The following NAALADL2 variants were observed in gnomAD, a reference collection of about 807,000 sequenced individuals.
NAALADL2 encodes the protein inactive N-acetylated-alpha-linked acidic dipeptidase-like protein 2.
Under a neutral mutation model 87.2 loss-of-function variants are expected in NAALADL2, and 76 were observed. The observed-to-expected ratio is 0.87, with a 90% CI of 0.72 to 1.05. NAALADL2 has a LOEUF of 1.05. NAALADL2 is among the 50% of genes least tolerant of loss of function. NAALADL2 has a pLI of 0.00. For synonymous variants in NAALADL2, 354 were observed against 331.0 expected (o/e 1.07, Z -0.75); for missense variants, 1,089 against 945.8 (o/e 1.15, Z -1.99).
chr3:175,707,409 A>T (rs1278674839), intron 11 of NAALADL2, among the ~76,000 whole-genome samples: 1 of 152,140 alleles, frequency 6.6e-6, no homozygotes, highest in Non-Finnish European at 1.5e-5. Context: ...CATGAGCCAT[A>T]CAAAAAGAAG....
intron 2 of NAALADL2, among the ~76,000 whole-genome samples, chr3:175,208,258 C>T (rs1741239615): frequency 6.6e-6 from 1 of 152,118 alleles, no homozygotes; most frequent in Non-Finnish European, 1.5e-5. Context: ...AACCATGTTT[C>T]AGCAGTTTGG....
At chr3:174,952,336 A>C (rs892275654) in intron 1 of NAALADL2, among the ~76,000 whole-genome samples, 3 of 152,120 alleles carry the variant, frequency 2.0e-5, no homozygotes, top group Non-Finnish European at 4.4e-5. Flanking sequence ...TGACTCTTTT[A>C]ACATTAAGCA....
rs1451108951 is a variant in NAALADL2, at chr3:175,802,050, T to C, written c.2190-955T>C. Among the ~76,000 whole-genome samples, 4 of 152,140 alleles carry C rather than the reference T, an allele frequency of 2.6e-5. No homozygotes were observed. The East Asian group carries it at 7.7e-4, about 29-fold the overall frequency. ...CTAATGGTCAACTGTGTTGCCTCTA[T>C]ACTGTCTGTAGCTCCACTCTCTCAT... On this transcript the variant is annotated intron_variant, in intron 13 of 13. Coordinates refer to ENST00000454872, the MANE Select transcript of NAALADL2 (RefSeq NM_207015.3).
chr3:175,568,679 A>G (rs1440198577), intron 9 of NAALADL2, among the ~76,000 whole-genome samples: 1 of 152,244 alleles, frequency 6.6e-6, no homozygotes, highest in Non-Finnish European at 1.5e-5. Flanking sequence ...AGCCCTATAT[A>G]GACCCAGTCT....
chr3:175,647,332 G>A (rs547942920), intron 11 of NAALADL2, among the ~76,000 whole-genome samples: 2 of 152,068 alleles, frequency 1.3e-5, no homozygotes, highest in Non-Finnish European at 2.9e-5. Context: ...GGGTACATGT[G>A]CAGGTTTGTT....
In NAALADL2 at chr3:175,413,055, AT is replaced by A. The variant is rs539701280; in HGVS notation, c.1091-34167del. On this transcript the variant is annotated intron_variant, in intron 5 of 13. Transcript: ENST00000454872. ...TGCCTCAGCTTCCCACGCCCGGTTAATTTTTTTGTATTTTTAGTAGAGATGG... is the reference window on the plus strand; with the variant it reads ...TGCCTCAGCTTCCCACGCCCGGTTAATTTTTTGTATTTTTAGTAGAGATGG... Among the ~76,000 whole-genome samples the A allele has an allele frequency of 2.2e-3, 330 of 148,872 alleles. 2 individuals carry two copies. Among genetic ancestry groups the A allele is most frequent in the African/African-American group, 7.0e-3 (286 of 40,734 alleles).
At chr3:175,478,244 T>A (rs1376909475) in intron 9 of NAALADL2, among the ~76,000 whole-genome samples, 1 of 151,940 alleles carries the variant, frequency 6.6e-6, no homozygotes. Context: ...TGGTTTTACT[T>A]CTAGTCAACG....
At chr3:175,382,325 G>A (rs2148989355) in intron 5 of NAALADL2, among the ~76,000 whole-genome samples, 1 of 152,118 alleles carries the variant, frequency 6.6e-6, no homozygotes, top group South Asian at 2.1e-4. Flanking sequence ...GGTGGTCTGA[G>A]GCAAAAGTCC....
At chr3:175,504,352 G>A (rs1475653822) in intron 9 of NAALADL2, among the ~76,000 whole-genome samples, 1 of 152,132 alleles carries the variant, frequency 6.6e-6, no homozygotes, top group African/African-American at 2.4e-5. Context: ...ATGAATTTTG[G>A]GGGGCCAGGG....
At chr3:175,322,919 A>G (rs1479823954) in intron 4 of NAALADL2, among the ~76,000 whole-genome samples, 1 of 151,598 alleles carries the variant, frequency 6.6e-6, no homozygotes, top group Non-Finnish European at 1.5e-5. Flanking sequence ...CCATTGTGGA[A>G]GTCAGTGTGG....
intron 1 of NAALADL2, among the ~76,000 whole-genome samples, chr3:175,034,763 A>G (rs551295304): frequency 3.3e-5 from 5 of 152,160 alleles, no homozygotes; most frequent in East Asian, 1.9e-4. Context: ...TTACTCATCT[A>G]TCAAACAGGA....
intron 1 of NAALADL2, among the ~76,000 whole-genome samples, chr3:174,514,954 T>C (rs569292369): frequency 6.6e-6 from 1 of 152,124 alleles, no homozygotes; most frequent in Non-Finnish European, 1.5e-5. Context: ...TAATACCTAG[T>C]TGAGGTCATA....
chr3:174,853,201 CAAAAAAAAAAAA>C (rs34303846), intron 3 of NAALADL2, among the ~76,000 whole-genome samples: 2 of 45,626 alleles, frequency 4.4e-5, no homozygotes, highest in Non-Finnish European at 7.7e-5. Flanking sequence ...CCGTCTCTAC[CAAAAAAAAAAAA>C]AAAAAAAAAA....
intron 1 of NAALADL2, among the ~76,000 whole-genome samples, chr3:175,083,820 A>C (rs534964865): frequency 6.6e-6 from 1 of 152,314 alleles, no homozygotes; most frequent in South Asian, 2.1e-4. Flanking sequence ...CTGACCCAAA[A>C]TTCTATACTT....
At chr3:175,587,804 T>C (rs1477330192) in intron 10 of NAALADL2, among the ~76,000 whole-genome samples, 2 of 152,124 alleles carry the variant, frequency 1.3e-5, no homozygotes, top group African/African-American at 2.4e-5. Context: ...GACACCCAGT[T>C]TGCATTTTTA....
At chr3:175,086,466 T>C (rs1317361508) in intron 1 of NAALADL2, among the ~76,000 whole-genome samples, 1 of 152,054 alleles carries the variant, frequency 6.6e-6, no homozygotes, top group Non-Finnish European at 1.5e-5. Flanking sequence ...GATAAAGTAA[T>C]AATATTTGAC....
chr3:174,853,688 A>T (rs10454772), intron 3 of NAALADL2, among the ~76,000 whole-genome samples: 27,640 of 150,732 alleles, frequency 0.18, 2,801 homozygotes, highest in East Asian at 0.44. Flanking sequence ...GAATAGCAAT[A>T]AAAAAAAATC....
chr3:174,628,434 G>A (rs906221996), intron 2 of NAALADL2, among the ~76,000 whole-genome samples: 8 of 139,486 alleles, frequency 5.7e-5, no homozygotes, highest in Admixed American at 2.3e-4. Context: ...CTGAGATGGC[G>A]CCACTGCACT....
intron 2 of NAALADL2, among the ~76,000 whole-genome samples, chr3:174,706,634 A>G (rs1730095401): frequency 6.6e-6 from 1 of 152,156 alleles, no homozygotes; most frequent in Admixed American, 6.5e-5. Flanking sequence ...GAAGCTCTTT[A>G]GTTTAATTAG....
Sources: gnomAD v4.1 joint callset for allele counts (sites outside exome capture counted in the v4.1 genomes callset) on GRCh38, gnomAD v4.1.1 for gene constraint, MANE v1.5 for transcripts, NCBI Gene and HGNC (gene_info 2026-07-23, HGNC 2026-07-21) for gene names.